Variants in LCLAT1 observed in about 807,000 individuals in gnomAD.
LCLAT1 encodes the protein 1-AGP acyltransferase 8.
A neutral mutation model predicts 30.7 loss-of-function variants in LCLAT1; 11 were observed. The observed-to-expected ratio is 0.36, with a 90% CI of 0.23 to 0.59. The LOEUF is 0.59. Among genes scored for constraint, LCLAT1 ranks in the 20% least tolerant of loss-of-function variants. The pLI, the probability that LCLAT1 is intolerant of heterozygous loss-of-function variation, is 0.77. For synonymous variants in LCLAT1, 155 were observed against 151.3 expected (o/e 1.02, Z -0.18); for missense variants, 402 against 458.6 (o/e 0.88, Z 1.13).
chr2:30,457,038 A>G (rs893335179), intron 1 of LCLAT1, among the ~76,000 whole-genome samples: 1 of 152,214 alleles, frequency 6.6e-6, no homozygotes, highest in Non-Finnish European at 1.5e-5. Flanking sequence ...TTATTTCTCC[A>G]GAGAGAATTC....
At chr2:30,604,013 C>A (rs1453500687) in intron 5 of LCLAT1, among the ~76,000 whole-genome samples, 1 of 152,140 alleles carries the variant, frequency 6.6e-6, no homozygotes, top group African/African-American at 2.4e-5. Flanking sequence ...ATTTACCTGG[C>A]TGTATAATAT....
chr2:30,583,426 C>T (rs958065085), intron 5 of LCLAT1, among the ~76,000 whole-genome samples: 2 of 152,198 alleles, frequency 1.3e-5, no homozygotes, highest in Non-Finnish European at 2.9e-5. Context: ...ATTGTCCTTA[C>T]CCAAGGCCTA....
intron 5 of LCLAT1, among the ~76,000 whole-genome samples, chr2:30,598,842 A>G (rs1667047737): frequency 6.6e-6 from 1 of 151,864 alleles, no homozygotes; most frequent in South Asian, 2.1e-4. Flanking sequence ...ATTCCAGTAC[A>G]TTATCTCTTT....
intron 5 of LCLAT1, among the ~76,000 whole-genome samples, chr2:30,585,185 T>C (rs996674217): frequency 1.2e-4 from 19 of 152,066 alleles, no homozygotes; most frequent in African/African-American, 4.6e-4. Flanking sequence ...CTCTTCCTTG[T>C]TTCCCTCTCA....
chr2:30,503,634 T>C (rs1684503356), intron 1 of LCLAT1, among the ~76,000 whole-genome samples: 2 of 152,208 alleles, frequency 1.3e-5, no homozygotes, highest in South Asian at 2.1e-4. Context: ...TGTTGAAATA[T>C]AGTGTACTTG....
chr2:30,623,396 G>A (rs2593442), intron 5 of LCLAT1, among the ~76,000 whole-genome samples: 132,273 of 152,152 alleles, frequency 0.87, 57,824 homozygotes, highest in African/African-American at 0.94. Flanking sequence ...ACAGAAAACC[G>A]TCCACAGAAA....
At chr2:30,611,480 C>A (rs1041416238) in intron 5 of LCLAT1, among the ~76,000 whole-genome samples, 1 of 152,152 alleles carries the variant, frequency 6.6e-6, no homozygotes, top group East Asian at 1.9e-4. Flanking sequence ...CATTTCCAGC[C>A]GTATCCTCTT....
intron 2 of LCLAT1, among the ~76,000 whole-genome samples, chr2:30,531,539 C>A (rs979783991): frequency 2.0e-5 from 3 of 152,106 alleles, no homozygotes. Context: ...TGGAGGCCAT[C>A]GTTCTAGGAC....
At chr2:30,474,423 G>A (rs749305335) in intron 1 of LCLAT1, among the ~76,000 whole-genome samples, 1 of 152,132 alleles carries the variant, frequency 6.6e-6, no homozygotes, top group East Asian at 1.9e-4. Flanking sequence ...GGGGTTAAAA[G>A]ATGTTTTTTA....
At chr2:30,608,123 C>G (rs1330341516) in intron 5 of LCLAT1, among the ~76,000 whole-genome samples, 1 of 151,850 alleles carries the variant, frequency 6.6e-6, no homozygotes, top group Non-Finnish European at 1.5e-5. Flanking sequence ...GAGTTCAAGA[C>G]TAGCCTGGCC....
chr2:30,591,235 A>G (rs560884063), intron 5 of LCLAT1, among the ~76,000 whole-genome samples: 3 of 152,318 alleles, frequency 2.0e-5, no homozygotes, highest in Admixed American at 6.5e-5. Context: ...ATAGTGATCA[A>G]CTTGCTAAAC....
At chr2:30,623,465 T>C (rs1415034554) in intron 5 of LCLAT1, among the ~76,000 whole-genome samples, 1 of 151,988 alleles carries the variant, frequency 6.6e-6, no homozygotes, top group Admixed American at 6.5e-5. Flanking sequence ...AAATGCATAG[T>C]ACACTGGAAA....
chr2:30,466,128 T>C (rs1271848768), intron 1 of LCLAT1, among the ~76,000 whole-genome samples: 4 of 152,154 alleles, frequency 2.6e-5, no homozygotes, highest in African/African-American at 9.6e-5. Flanking sequence ...TTTTACCTAT[T>C]TGATAATTCT....
chr2:30,593,423 A>G (rs1666782915), intron 5 of LCLAT1, among the ~76,000 whole-genome samples: 1 of 152,178 alleles, frequency 6.6e-6, no homozygotes, highest in Non-Finnish European at 1.5e-5. Context: ...CTGTTTTTCT[A>G]GCAGTACCAT....
At chr2:30,613,458 T>G (rs565550268) in intron 5 of LCLAT1, among the ~76,000 whole-genome samples, 94 of 152,060 alleles carry the variant, frequency 6.2e-4, no homozygotes, top group African/African-American at 2.1e-3. Flanking sequence ...TCTAGATACA[T>G]TTTAAGGTGG....
intron 3 of LCLAT1, among the ~76,000 whole-genome samples, chr2:30,550,625 G>T (rs1664636641): frequency 6.6e-6 from 1 of 152,122 alleles, no homozygotes; most frequent in Admixed American, 6.6e-5. Context: ...TATCAACATG[G>T]CTTATCACTG....
chr2:30,605,457 C>A (rs907418221), intron 5 of LCLAT1, among the ~76,000 whole-genome samples: 2 of 152,192 alleles, frequency 1.3e-5, no homozygotes, highest in African/African-American at 4.8e-5. Context: ...TATTCTAAAG[C>A]AGACCAATTT....
intron 1 of LCLAT1, among the ~76,000 whole-genome samples, chr2:30,519,719 C>G (rs935353396): frequency 6.6e-6 from 1 of 152,176 alleles, no homozygotes; most frequent in Non-Finnish European, 1.5e-5. Flanking sequence ...CGGGGAGGGA[C>G]AGTGATCAGG....
Position 30,558,233 on chromosome 2 carries a change from TA to T in LCLAT1, c.365-3906del, listed in dbSNP as rs542449904. Among the ~76,000 whole-genome samples, 1,130 of 152,134 alleles carry T rather than the reference TA, an allele frequency of 7.4e-3. 11 individuals carry two copies. Among genetic ancestry groups the T allele is most frequent in the Non-Finnish European group, 0.012 (848 of 67,988 alleles). ...AAAACTAAGAAAAAGACAAATCAAT[TA>T]AAAAAATACACAAAAGGTTTGAAGA... On this transcript the variant is annotated intron_variant, in intron 3 of 5. Transcript: ENST00000379509.
Sources: allele counts gnomAD v4.1 joint callset (sites outside exome capture counted in the v4.1 genomes callset), GRCh38; gene constraint gnomAD v4.1.1; transcripts MANE v1.5; gene names NCBI Gene and HGNC (gene_info 2026-07-23, HGNC 2026-07-21).